The following OTUD7A variants were observed in gnomAD, a reference collection of about 807,000 sequenced individuals.
The protein encoded by OTUD7A is OTU domain-containing protein 7A.
A neutral mutation model predicts 65.7 loss-of-function variants in OTUD7A; 12 were observed. The ratio of observed to expected loss-of-function variants is 0.18; its 90% CI spans 0.12 to 0.30. OTUD7A has a LOEUF of 0.30. OTUD7A is among the 10% of genes least tolerant of loss of function. The probability of loss-of-function intolerance (pLI) is 1.00; values close to 1 mark genes in which losing one functional copy is unlikely to be tolerated. For synonymous variants in OTUD7A, 641 were observed against 586.3 expected (o/e 1.09, Z -1.35); for missense variants, 1,148 against 1,304.8 (o/e 0.88, Z 1.85).
intron 3 of OTUD7A, among the ~76,000 whole-genome samples, chr15:31,650,014 A>G (rs1891790422): frequency 8.0e-6 from 1 of 125,244 alleles, no homozygotes; most frequent in South Asian, 2.3e-4. Context: ...CCGTTCTAAG[A>G]AAGTCTGGAA....
chr15:31,502,481 G>A (rs1189708013), intron 9 of OTUD7A, among the ~76,000 whole-genome samples: 1 of 152,216 alleles, frequency 6.6e-6, no homozygotes, highest in South Asian at 2.1e-4. Flanking sequence ...TTTGGCCCTA[G>A]AGTGAGTGTA....
At chr15:31,702,342 A>G (rs1416612569) in intron 1 of OTUD7A, among the ~76,000 whole-genome samples, 6 of 137,878 alleles carry the variant, frequency 4.4e-5, no homozygotes, top group Non-Finnish European at 1.5e-5. Flanking sequence ...TTATTTGCAG[A>G]TGACAAGATG....
At chr15:31,714,197 C>G (rs148397404) in intron 1 of OTUD7A, among the ~76,000 whole-genome samples, 2 of 151,870 alleles carry the variant, frequency 1.3e-5, no homozygotes, top group African/African-American at 2.4e-5. Context: ...GGACTAAGAA[C>G]TAGAAGCAGC....
chr15:31,738,079 A>C (rs1048967087), intron 1 of OTUD7A, among the ~76,000 whole-genome samples: 5 of 152,180 alleles, frequency 3.3e-5, no homozygotes, highest in African/African-American at 1.2e-4. Context: ...TATTTTTGCG[A>C]AAAAATTAAT....
intron 8 of OTUD7A, among the ~76,000 whole-genome samples, chr15:31,526,053 T>G (rs1172794959): frequency 6.6e-6 from 1 of 152,240 alleles, no homozygotes; most frequent in Non-Finnish European, 1.5e-5. Context: ...CCAACTGTTG[T>G]GCACAATAAA....
At chr15:31,549,071 GGCTGGAGTGA>G (rs1442869051) in intron 5 of OTUD7A, among the ~76,000 whole-genome samples, 3 of 151,508 alleles carry the variant, frequency 2.0e-5, no homozygotes, top group African/African-American at 7.3e-5. Context: ...GGGAGACACA[GGCTGGAGTGA>G]GCTGACATCG....
At chr15:31,731,267 C>T (rs938497865) in intron 1 of OTUD7A, among the ~76,000 whole-genome samples, 5 of 152,240 alleles carry the variant, frequency 3.3e-5, no homozygotes, top group Non-Finnish European at 4.4e-5. Context: ...AAGATAAGAA[C>T]GCAGATGTTT....
intron 10 of OTUD7A, among the ~76,000 whole-genome samples, chr15:31,499,387 G>A (rs537568640): frequency 6.6e-6 from 1 of 152,286 alleles, no homozygotes; most frequent in Non-Finnish European, 1.5e-5. Context: ...TCGATATTCT[G>A]GAGTCTCCCA....
rs1198437957 is a variant in OTUD7A at position 31,620,878 on chromosome 15, T to C, written c.151+34218A>G. ...GACGTTAGGGTGTCGATTTTGGATC[T>C]TTCCTGCTTTCTCTTGTGGGCATTT... On this transcript the variant is annotated intron_variant, in intron 3 of 12. Coordinates refer to ENST00000307050, the MANE Select transcript of OTUD7A (RefSeq NM_001382637.1). 1.8e-5 allele frequency among the ~76,000 whole-genome samples: 2 copies of C among 109,834 alleles called. 1 individual carries two copies. Among genetic ancestry groups the C allele is most frequent in the Non-Finnish European group, 3.4e-5 (2 of 59,002 alleles). The allele number at this position is 109,834 out of a possible 152,430, so 72.1% of individuals were successfully genotyped here.
intron 8 of OTUD7A, among the ~76,000 whole-genome samples, chr15:31,517,128 A>C (rs541886285): frequency 2.5e-3 from 378 of 152,352 alleles, no homozygotes; most frequent in Non-Finnish European, 3.4e-3. Flanking sequence ...TGGGTTAGGC[A>C]ACCAGGCATT....
At chr15:31,504,235 C>T (rs533134214) in intron 8 of OTUD7A, among the ~76,000 whole-genome samples, 1 of 152,038 alleles carries the variant, frequency 6.6e-6, no homozygotes, top group African/African-American at 2.4e-5. Context: ...CCAGGGGTTC[C>T]CTGGGCACAT....
chr15:31,563,733 C>T (rs1174326917), intron 4 of OTUD7A, among the ~76,000 whole-genome samples: 4 of 152,222 alleles, frequency 2.6e-5, no homozygotes, highest in Non-Finnish European at 5.9e-5. Context: ...GCAGGGCAGT[C>T]CCTACAGGAA....
chr15:31,847,375 C>T (rs1342971264), intron 1 of OTUD7A, among the ~76,000 whole-genome samples: 2 of 152,118 alleles, frequency 1.3e-5, no homozygotes, highest in African/African-American at 4.8e-5. Context: ...GCAAGACAGC[C>T]GCTCTCCTCC....
intron 10 of OTUD7A, among the ~76,000 whole-genome samples, chr15:31,490,608 T>C (rs2041306109): frequency 6.6e-6 from 1 of 152,206 alleles, no homozygotes; most frequent in South Asian, 2.1e-4. Context: ...CCAATTCAGC[T>C]GGACCCCAGT....
intron 8 of OTUD7A, among the ~76,000 whole-genome samples, 191 bp downstream of exon 8, chr15:31,526,158 G>A (rs1253798693): frequency 2.6e-5 from 4 of 152,224 alleles, no homozygotes; most frequent in African/African-American, 7.2e-5. Context: ...AGCACCTGGC[G>A]GGGCCAGCCA....
chr15:31,683,402 A>G (rs1892764325), intron 1 of OTUD7A, among the ~76,000 whole-genome samples: 1 of 152,178 alleles, frequency 6.6e-6, no homozygotes, highest in Non-Finnish European at 1.5e-5. Context: ...TTTCTTCTTT[A>G]GTTTCTTGGG....
In OTUD7A at chr15:31,635,409, C is replaced by T. The variant is rs191313088; in HGVS notation, c.151+19687G>A. Among the ~76,000 whole-genome samples the T allele has an allele frequency of 1.8e-4, 28 of 152,294 alleles. 1 individual carries two copies. The highest frequency in any genetic ancestry group is 3.4e-3 in the Middle Eastern group (1 of 294). Reference sequence around the variant, plus strand: ...GTAAATTAGTAAGACCTAGGGCTAGCGGAGCAAATAATATTTCCTGCCTGA... The same window carrying T: ...GTAAATTAGTAAGACCTAGGGCTAGTGGAGCAAATAATATTTCCTGCCTGA... On this transcript the variant is annotated intron_variant, in intron 3 of 12. Coordinates refer to ENST00000307050, the MANE Select transcript of OTUD7A (RefSeq NM_001382637.1).
intron 3 of OTUD7A, among the ~76,000 whole-genome samples, chr15:31,648,472 G>T (rs1891741952): frequency 6.6e-6 from 1 of 152,182 alleles, no homozygotes; most frequent in Non-Finnish European, 1.5e-5. Flanking sequence ...GGAAACTGAG[G>T]ACTGAGCTTG....
At chr15:31,672,566 C>G (rs1892507278) in intron 1 of OTUD7A, among the ~76,000 whole-genome samples, 1 of 152,130 alleles carries the variant, frequency 6.6e-6, no homozygotes. Context: ...TGGTTTAGTT[C>G]CACTTTACTA....
Sources: allele counts gnomAD v4.1 joint callset (sites outside exome capture counted in the v4.1 genomes callset), GRCh38; gene constraint gnomAD v4.1.1; transcripts MANE v1.5; gene names NCBI Gene and HGNC (gene_info 2026-07-23, HGNC 2026-07-21).